TRIM6: variants seen among roughly 807,000 people sequenced by gnomAD.
TRIM6 encodes the protein tripartite motif-containing protein 6.
In TRIM6, 43 loss-of-function variants were observed where a neutral mutation model predicts 51.2. That is an observed-to-expected ratio of 0.84 (90% CI 0.66 to 1.08). The LOEUF (loss-of-function observed/expected upper bound fraction) is 1.08. Among genes scored for constraint, TRIM6 ranks in the 50% least tolerant of loss-of-function variants. TRIM6 has a pLI of 0.00. For missense variants in TRIM6, 669 were observed against 619.0 expected (o/e 1.08, Z -0.86); for synonymous variants, 215 against 232.4 (o/e 0.93, Z 0.68).
rs752939143 is a variant in TRIM6 at position 5,603,674 on chromosome 11, G to T, written c.446G>T (p.Arg149Leu). ...AAGGTCATTTGCTGGCTTTGTGAGC[G>T]GTCTCAGGAGCACCGTGGTCACCAC... ...DGKVICWLCE[R>L]SQEHRGHHTF... The change falls in exon 2 of 8, where the codon CGG (arginine) becomes CTG (leucine). Residue 149 changes from arginine to leucine, a missense_variant. Transcript: ENST00000380097. 2 of 1,612,988 alleles carry T rather than the reference G, an allele frequency of 1.2e-6. No homozygotes were observed. Among genetic ancestry groups the T allele is most frequent in the Non-Finnish European group, 1.7e-6 (2 of 1,179,906 alleles).
At chr11:5,602,748 G>A (rs532184721) in intron 1 of TRIM6, among the ~76,000 whole-genome samples, 19 of 151,752 alleles carry the variant, frequency 1.3e-4, no homozygotes, top group African/African-American at 4.6e-4. Context: ...AAGGTCAGGA[G>A]TTCAAGACCA....
At chr11:5,600,067 A>C (rs1220346382) in intron 1 of TRIM6, among the ~76,000 whole-genome samples, 1 of 152,198 alleles carries the variant, frequency 6.6e-6, no homozygotes, top group Admixed American at 6.5e-5. Flanking sequence ...ATGATAGGTA[A>C]ATACGTCTGT....
rs139865488 is a variant in TRIM6, at chr11:5,609,048, C to T, written c.857+654C>T. ...TTTTCTTTCTCCCAGGCCTTGCTCC[C>T]TAGTAGATTTTCTTTTGTCTCAATT... On this transcript the variant is annotated intron_variant, in intron 5 of 7. Coordinates refer to ENST00000380097, the MANE Select transcript of TRIM6 (RefSeq NM_001003818.3). Among the ~76,000 whole-genome samples, 8 of 151,998 alleles carry T rather than the reference C, an allele frequency of 5.3e-5. No individual in the cohort carries two copies. In the East Asian group the frequency reaches 1.4e-3, roughly 26 times the overall value.
chr11:5,611,207 C>G lies in TRIM6; in HGVS notation c.1416C>G (p.Val472=), dbSNP rs766239950. ...GVFLDYEAGT[V]SFYNVTNHGF... Reference sequence around the variant, plus strand: ...TCTTAGATTATGAGGCTGGTACTGTCTCCTTTTATAATGTCACAAACCATG... The same window carrying G: ...TCTTAGATTATGAGGCTGGTACTGTGTCCTTTTATAATGTCACAAACCATG... Residue 472 remains valine, a synonymous_variant, in exon 8 of 8, where the codon GTC becomes GTG. Coordinates refer to ENST00000380097, the MANE Select transcript of TRIM6 (RefSeq NM_001003818.3). 3.1e-6 allele frequency: 5 copies of G among 1,614,108 alleles called. No individual in the cohort carries two copies. The highest frequency in any genetic ancestry group is 4.2e-6 in the Non-Finnish European group (5 of 1,180,026).
chr11:5,600,868 AAC>A (rs1847799966), intron 1 of TRIM6, among the ~76,000 whole-genome samples: 1 of 152,114 alleles, frequency 6.6e-6, no homozygotes, highest in Non-Finnish European at 1.5e-5. Flanking sequence ...TGGTGGCCCA[AAC>A]ACAACTCCAG....
In TRIM6 at chr11:5,612,023, C is replaced by T. The variant is rs1428659554; in HGVS notation, c.*681C>T. The T allele has an allele frequency of 2.0e-5, 3 of 152,220 alleles. No individual in the cohort carries two copies. The East Asian group carries it at 5.8e-4, about 29-fold the overall frequency. 9.4% of individuals were successfully genotyped at this position (152,220 alleles called of 1,614,324 possible). A position where few individuals can be genotyped will look rare whatever the true frequency, so the allele number is the denominator to read the frequency against. ...GTAAATTATTGAGACAATTGTGTATCATTTTTGTTCTGTTAATGTGGCTTA... is the reference window on the plus strand; with the variant it reads ...GTAAATTATTGAGACAATTGTGTATTATTTTTGTTCTGTTAATGTGGCTTA... On this transcript the variant is annotated 3_prime_UTR_variant, in exon 8 of 8. Coordinates refer to ENST00000380097, the MANE Select transcript of TRIM6 (RefSeq NM_001003818.3).
At chr11:5,599,534 G>C (rs545694453) in intron 1 of TRIM6, among the ~76,000 whole-genome samples, 13 of 152,202 alleles carry the variant, frequency 8.5e-5, no homozygotes, top group African/African-American at 3.1e-4. Context: ...CTCCCGAGTA[G>C]CTGGGACTAC....
At chr11:5,608,730 G>T (rs1048349034) in intron 5 of TRIM6, among the ~76,000 whole-genome samples, 1 of 151,768 alleles carries the variant, frequency 6.6e-6, no homozygotes, top group African/African-American at 2.4e-5. Flanking sequence ...TGCAGTATCA[G>T]TGACTCCCCA....
At chr11:5,602,244 T>C (rs1473369549) in intron 1 of TRIM6, among the ~76,000 whole-genome samples, 6 of 151,680 alleles carry the variant, frequency 4.0e-5, no homozygotes, top group Non-Finnish European at 8.8e-5. Flanking sequence ...ATCGAGACCA[T>C]CCTGGCTAAC....
intron 4 of TRIM6, among the ~76,000 whole-genome samples, chr11:5,606,932 G>A (rs538261205): frequency 1.3e-5 from 2 of 152,298 alleles, no homozygotes; most frequent in Non-Finnish European, 2.9e-5. Flanking sequence ...GGCCGAGCGC[G>A]GTGGCTCACG....
At chr11:5,601,714 T>C (rs1477356136) in intron 1 of TRIM6, among the ~76,000 whole-genome samples, 5 of 152,026 alleles carry the variant, frequency 3.3e-5, no homozygotes, top group African/African-American at 1.2e-4. Context: ...GCCGAGATAG[T>C]GCCACTGCCC....
intron 1 of TRIM6, among the ~76,000 whole-genome samples, chr11:5,602,555 A>G (rs1847934910): frequency 6.6e-6 from 1 of 151,948 alleles, no homozygotes; most frequent in African/African-American, 2.4e-5. Flanking sequence ...TGCAGATAGC[A>G]GAGTAAAGGG....
chr11:5,596,784 G>C lies in TRIM6; in HGVS notation c.-114G>C. On this transcript the variant is annotated 5_prime_UTR_variant, in exon 1 of 8. Transcript: ENST00000380097. The stretch of plus-strand genomic sequence containing the variant: ...GCGTGGTTGAGTTTAGATAAAAGCC[G>C]AGTGAGCGCGCTCTGTTCCTTAAGA... 6.4e-7 allele frequency: 1 copy of C among 1,550,476 alleles called. No homozygotes were observed. The highest frequency in any genetic ancestry group is 8.9e-7 in the Non-Finnish European group (1 of 1,126,918).
intron 1 of TRIM6, among the ~76,000 whole-genome samples, chr11:5,601,368 C>T (rs1165239013): frequency 6.6e-6 from 1 of 152,150 alleles, no homozygotes; most frequent in African/African-American, 2.4e-5. Flanking sequence ...ATGGAGAATA[C>T]TCTTATTTAT....
intron 5 of TRIM6, among the ~76,000 whole-genome samples, chr11:5,609,938 A>G (rs113541715): frequency 2.8e-3 from 429 of 152,304 alleles, no homozygotes; most frequent in African/African-American, 9.6e-3. Context: ...AAAAAGTTAA[A>G]TCTTACACAA....
At position 5,603,731 on chromosome 11, in the gene TRIM6, A is replaced by G; in HGVS notation, c.503A>G (p.Tyr168Cys). 1.6e-5 allele frequency: 26 copies of G among 1,613,130 alleles called. No homozygotes were observed. The highest frequency in any genetic ancestry group is 2.2e-5 in the Non-Finnish European group (26 of 1,179,674). Residue 168 changes from tyrosine to cysteine, a missense_variant, in exon 2 of 8, where the codon TAC (tyrosine) becomes TGC (cysteine). Coordinates refer to ENST00000380097, the MANE Select transcript of TRIM6 (RefSeq NM_001003818.3). ...TFLVEEVAQE[Y>C]QEKFQESLKK... ...CTCGTGGAGGAGGTTGCCCAGGAGTACCAGGTGAGACCCCAGGATGGAATG... is the reference window on the plus strand; with the variant it reads ...CTCGTGGAGGAGGTTGCCCAGGAGTGCCAGGTGAGACCCCAGGATGGAATG...
At chr11:5,598,831 A>G (rs1847642231) in intron 1 of TRIM6, among the ~76,000 whole-genome samples, 1 of 152,132 alleles carries the variant, frequency 6.6e-6, no homozygotes, top group South Asian at 2.1e-4. Context: ...TAAGTTACAA[A>G]TTGTAAGCAT....
chr11:5,612,584 C>T lies in TRIM6; in HGVS notation c.*1242C>T, dbSNP rs1047990680. 1 of 152,198 alleles carries T rather than the reference C, an allele frequency of 6.6e-6. No homozygotes were observed. The highest frequency in any genetic ancestry group is 1.5e-5 in the Non-Finnish European group (1 of 68,036). The allele number at this position is 152,198 out of a possible 1,614,324, so 9.4% of individuals were successfully genotyped here. A position where few individuals can be genotyped will look rare whatever the true frequency, so the allele number is the denominator to read the frequency against. On this transcript the variant is annotated 3_prime_UTR_variant, in exon 8 of 8. Transcript: ENST00000380097. ...AGGATGATTTCTTCCAGCTTTTCCA[C>T]ACTCTCTTTATGCGCAGGAACAAAC...
intron 4 of TRIM6, among the ~76,000 whole-genome samples, chr11:5,605,797 A>G (rs1415195893): frequency 6.6e-6 from 1 of 152,250 alleles, no homozygotes; most frequent in Non-Finnish European, 1.5e-5. Flanking sequence ...AGGGTTGTCT[A>G]AAAGTTTATT....
Sources: gnomAD v4.1 joint callset for allele counts (sites outside exome capture counted in the v4.1 genomes callset) on GRCh38, gnomAD v4.1.1 for gene constraint, MANE v1.5 for transcripts, NCBI Gene and HGNC (gene_info 2026-07-23, HGNC 2026-07-21) for gene names.